The following TLCD2 variants were observed in gnomAD, a reference collection of about 807,000 sequenced individuals.
TLCD2 encodes TLC domain-containing protein 2.
TLCD2 carries 12 observed loss-of-function variants against 14.0 expected under a neutral mutation model. The observed-to-expected ratio is 0.86, with a 90% CI of 0.55 to 1.39. TLCD2 has a LOEUF of 1.39. Among genes scored for constraint, TLCD2 ranks in the 40% most tolerant of loss-of-function variants. TLCD2 has a pLI of 0.00. For missense variants in TLCD2, 360 were observed against 346.8 expected (o/e 1.04, Z -0.30); for synonymous variants, 166 against 156.5 (o/e 1.06, Z -0.45).
rs1021853443 is a variant in TLCD2 at position 1,705,514 on chromosome 17, C to A, written c.*2256G>T. 6.6e-6 allele frequency: 1 copy of A among 152,214 alleles called. No homozygotes were observed. Among genetic ancestry groups the A allele is most frequent in the African/African-American group, 2.4e-5 (1 of 41,428 alleles). 9.4% of individuals were successfully genotyped at this position (152,214 alleles called of 1,614,324 possible). ...TTTGTTTATAACCCTTTTATCAGTT[C>A]TGTGACTTTGGTGTCTCTCAGGATC... On this transcript the variant is annotated 3_prime_UTR_variant, in exon 4 of 4. Transcript: ENST00000330676.
rs1467911497 is a variant in TLCD2 at position 1,704,025 on chromosome 17, GA to G, written c.*3744del. 5 of 151,586 alleles carry G rather than the reference GA, an allele frequency of 3.3e-5. No homozygotes were observed. The highest frequency in any genetic ancestry group is 5.9e-5 in the Non-Finnish European group (4 of 67,950). The allele number at this position is 151,586 out of a possible 1,614,324, so 9.4% of individuals were successfully genotyped here. A position where few individuals can be genotyped will look rare whatever the true frequency, so the allele number is the denominator to read the frequency against. ...GGATCACCTGAGGTCAGGAGTTTGA[GA>G]CCAGCCTGGCCAATATGGTGAAATC... On this transcript the variant is annotated 3_prime_UTR_variant, in exon 4 of 4. Transcript: ENST00000330676.
rs531690323 is a variant in TLCD2 at position 1,707,742 on chromosome 17, C to T, written c.*28G>A. 99 of 1,457,574 alleles carry T rather than the reference C, an allele frequency of 6.8e-5. 1 individual carries two copies. The highest frequency in any genetic ancestry group is 6.4e-4 in the South Asian group (46 of 71,828). The allele number at this position is 1,457,574 out of a possible 1,614,324, so 90.3% of individuals were successfully genotyped here. A position where few individuals can be genotyped will look rare whatever the true frequency, so the allele number is the denominator to read the frequency against. On this transcript the variant is annotated 3_prime_UTR_variant, in exon 4 of 4. Transcript: ENST00000330676. ...TCATCTCCTTGTCCTGGCCCCACCT[C>T]CCCCAGCGAGGGGCCCATGGCTTCT...
intron 1 of TLCD2, 32 bp from the exon 2 acceptor site, chr17:1,709,918 GCAT>G: frequency 6.7e-7 from 1 of 1,494,914 alleles, no homozygotes; most frequent in Non-Finnish European, 9.0e-7. Context: ...ATGGGGGGGG[GCAT>G]GGTCAGCCTC....
chr17:1,709,360 A>C, intron 3 of TLCD2, 139 bp downstream of exon 3: 1 of 687,620 alleles, frequency 1.5e-6, no homozygotes, highest in Non-Finnish European at 2.3e-6. Context: ...ACTGGACCCC[A>C]GCCTGGGTGA....
rs1276318814 is a variant in TLCD2 at position 1,708,004 on chromosome 17, C to G, written c.561G>C (p.Trp187Cys). The change falls in exon 4 of 4, where the codon TGG becomes TGC. Residue 187 changes from tryptophan to cysteine, a missense_variant. Trp to Cys is a radical substitution (Grantham distance 215). Transcript: ENST00000330676. ...GAACCTGGTGGTGCTGCCGGAACAGCCACAGACTCATCCACCCCAGCGGGA... is the reference window on the plus strand; with the variant it reads ...GAACCTGGTGGTGCTGCCGGAACAGGCACAGACTCATCCACCCCAGCGGGA... ...RLVPLGWMSL[W>C]LFRQHHQVPL... 3.9e-6 allele frequency: 6 copies of G among 1,537,180 alleles called. No homozygotes were observed. The South Asian group carries it at 7.1e-5, about 18-fold the overall frequency.
intron 3 of TLCD2, 69 bp downstream of exon 3, chr17:1,709,430 C>G (rs1243769511): frequency 7.8e-6 from 5 of 638,142 alleles, no homozygotes; most frequent in Non-Finnish European, 1.1e-5. Flanking sequence ...TGAGGAGAGA[C>G]TGGGAACCTC....
chr17:1,708,479 CTTT>C (rs70956738), intron 3 of TLCD2, among the ~76,000 whole-genome samples: 20 of 47,854 alleles, frequency 4.2e-4, no homozygotes, highest in Non-Finnish European at 4.3e-4. Context: ...GGCTTGCTTG[CTTT>C]TTTTTTTTTT....
Position 1,706,789 on chromosome 17 carries a change from A to AG in TLCD2, c.*980_*981insC, listed in dbSNP as rs1567705281. The AG allele has an allele frequency of 6.6e-6, 1 of 151,542 alleles. No homozygotes were observed. Among genetic ancestry groups the AG allele is most frequent in the African/African-American group, 2.4e-5 (1 of 41,218 alleles). 9.4% of individuals were successfully genotyped at this position (151,542 alleles called of 1,614,324 possible). A position where few individuals can be genotyped will look rare whatever the true frequency, so the allele number is the denominator to read the frequency against. On this transcript the variant is annotated 3_prime_UTR_variant, in exon 4 of 4. Transcript: ENST00000330676. ...AACTTGTCTCAAAAAAAAAAAAAAAAAAAGAAAAGAAAAAAGAAAAGTCAA... is the reference window on the plus strand; with the variant it reads ...AACTTGTCTCAAAAAAAAAAAAAAAAGAAAGAAAAGAAAAAAGAAAAGTCAA...
chr17:1,706,788 A>AG lies in TLCD2; in HGVS notation c.*981_*982insC, dbSNP rs1307983645. On this transcript the variant is annotated 3_prime_UTR_variant, in exon 4 of 4. Coordinates refer to ENST00000330676, the MANE Select transcript of TLCD2 (RefSeq NM_001164407.2). Reference sequence around the variant, plus strand: ...GAACTTGTCTCAAAAAAAAAAAAAAAAAAAGAAAAGAAAAAAGAAAAGTCA... The same window carrying AG: ...GAACTTGTCTCAAAAAAAAAAAAAAAGAAAAGAAAAGAAAAAAGAAAAGTCA... The AG allele has an allele frequency of 2.6e-5, 4 of 151,552 alleles. No homozygotes were observed. Among genetic ancestry groups the AG allele is most frequent in the East Asian group, 1.9e-4 (1 of 5,196 alleles). The allele number at this position is 151,552 out of a possible 1,614,324, so 9.4% of individuals were successfully genotyped here.
chr17:1,708,331 A>C (rs892204487), intron 3 of TLCD2, 109 bp from the exon 4 acceptor site: 120 of 815,696 alleles, frequency 1.5e-4, no homozygotes, highest in Non-Finnish European at 2.0e-4. Context: ...GGGGCTCCCC[A>C]AACACCTGAC....
intron 3 of TLCD2, 102 bp downstream of exon 3, chr17:1,709,389 CAAAAAAAA>C: frequency 4.1e-4 from 121 of 296,604 alleles, no homozygotes; most frequent in East Asian, 9.7e-4. Flanking sequence ...GACTCCGTCT[CAAAAAAAA>C]AAAAAAAAAA....
chr17:1,709,415 A>G (rs1914145429), intron 3 of TLCD2, 84 bp downstream of exon 3: 2 of 783,116 alleles, frequency 2.6e-6, no homozygotes, highest in South Asian at 1.8e-5. Flanking sequence ...AAAAAAAAAA[A>G]AGAATGAGGA....
chr17:1,710,055 C>A lies in TLCD2; in HGVS notation c.176+12G>T, dbSNP rs1914174365. 2.6e-6 allele frequency: 4 copies of A among 1,532,350 alleles called. No homozygotes were observed. 94.9% of individuals were successfully genotyped at this position (1,532,350 alleles called of 1,614,324 possible). A position where few individuals can be genotyped will look rare whatever the true frequency, so the allele number is the denominator to read the frequency against. On this transcript the variant is annotated intron_variant, in intron 1 of 3. Transcript: ENST00000330676. This position sits in a 1 kb window ranked among gnomAD's most constrained non-coding sequence, Gnocchi z 6.1. ...CCCTCGCCCCGTGCGCCTCGAGCCC[C>A]CAAGCCCGCACCCGAGCAGCGCCCC...
chr17:1,708,691 G>C (rs750779292), intron 3 of TLCD2, among the ~76,000 whole-genome samples: 21 of 151,954 alleles, frequency 1.4e-4, no homozygotes, highest in Non-Finnish European at 2.8e-4. Flanking sequence ...TTCACTGTTA[G>C]TCAGGATGGT....
rs1451235232 is a variant in TLCD2, at chr17:1,708,037, G to A, written c.528C>T (p.Phe176=). ...TCATCCACCCCAGCGGGACCAGGCG[G>A]AAGAGGGCCAAGGTGGCCAAGGAGG... ...SWASLATLAL[F]RLVPLGWMSL... Residue 176 remains phenylalanine (F), a synonymous_variant, in exon 4 of 4, where the codon TTC becomes TTT. Transcript: ENST00000330676. The A allele has an allele frequency of 2.0e-6, 3 of 1,537,148 alleles. No homozygotes were observed. The highest frequency in any genetic ancestry group is 1.7e-4 in the Middle Eastern group (1 of 5,990).
chr17:1,709,389 CAAAAAAAAAAAAAA>C (rs781399159), intron 3 of TLCD2, 96 bp downstream of exon 3: 9 of 298,794 alleles, frequency 3.0e-5, no homozygotes, highest in South Asian at 7.4e-5. Context: ...GACTCCGTCT[CAAAAAAAAAAAAAA>C]AAAAAAAAAA....
In TLCD2 at chr17:1,710,222, C is replaced by T; in HGVS notation, c.21G>A (p.Leu7=). Residue 7 remains leucine (L), a synonymous_variant, in exon 1 of 4, where the codon CTG becomes CTA. Transcript: ENST00000330676. This position sits in a 1 kb window ranked among gnomAD's most constrained non-coding sequence, Gnocchi z 6.1. Reference sequence around the variant, plus strand: ...ACGCGAGGAAGGAGGCGCCGGCCACCAGGAGCCCCGTGGGCGCCATGGCCT... The same window carrying T: ...ACGCGAGGAAGGAGGCGCCGGCCACTAGGAGCCCCGTGGGCGCCATGGCCT... MAPTGL[L]VAGASFLAFR... 4 of 1,525,286 alleles carry T rather than the reference C, an allele frequency of 2.6e-6. No individual in the cohort carries two copies. Among genetic ancestry groups the T allele is most frequent in the South Asian group, 2.4e-5 (2 of 83,216 alleles). 94.5% of individuals were successfully genotyped at this position (1,525,286 alleles called of 1,614,324 possible). A position where few individuals can be genotyped will look rare whatever the true frequency, so the allele number is the denominator to read the frequency against.
Position 1,708,047 on chromosome 17 carries a change from A to G in TLCD2, c.518T>C (p.Leu173Ser), listed in dbSNP as rs1914090580. The G allele has an allele frequency of 6.5e-7, 1 of 1,537,224 alleles. No homozygotes were observed. The highest frequency in any genetic ancestry group is 2.0e-5 in the Admixed American group (1 of 51,002). Residue 173 changes from leucine to serine, a missense_variant, in exon 4 of 4, where the codon TTG (leucine) becomes TCG (serine). Leu to Ser is a moderately radical substitution (Grantham distance 145). Coordinates refer to ENST00000330676, the MANE Select transcript of TLCD2 (RefSeq NM_001164407.2). ...CAGCGGGACCAGGCGGAAGAGGGCC[A>G]AGGTGGCCAAGGAGGCCCAGCTGGT... ...SVTSWASLAT[L>S]ALFRLVPLGW...
In TLCD2 at chr17:1,710,318, C is replaced by T; in HGVS notation, c.-76G>A. 7.5e-7 allele frequency: 1 copy of T among 1,333,330 alleles called. No individual in the cohort carries two copies. Among genetic ancestry groups the T allele is most frequent in the Non-Finnish European group, 9.7e-7 (1 of 1,026,502 alleles). The allele number at this position is 1,333,330 out of a possible 1,614,324, so 82.6% of individuals were successfully genotyped here. ...CCGCGCTCTCGGCCGGGACTGGGAA[C>T]CCGTTTCCCGGCAGGGCTGGGGCCC... is the stretch of plus-strand genomic sequence containing the variant. On this transcript the variant is annotated 5_prime_UTR_variant, in exon 1 of 4. Coordinates refer to ENST00000330676, the MANE Select transcript of TLCD2 (RefSeq NM_001164407.2). The surrounding 1 kb of genome is among the most constrained non-coding windows in gnomAD (Gnocchi z 6.1).
Sources: allele counts gnomAD v4.1 joint callset (sites outside exome capture counted in the v4.1 genomes callset), GRCh38; gene constraint gnomAD v4.1.1; non-coding constraint Gnocchi (gnomAD v3.1); transcripts MANE v1.5; gene names NCBI Gene and HGNC (gene_info 2026-07-23, HGNC 2026-07-21).